Variants in NUP133 observed in about 807,000 individuals in gnomAD.
NUP133 encodes nuclear pore complex protein Nup133.
NUP133 carries 66 observed loss-of-function variants against 146.2 expected under a neutral mutation model. The ratio of observed to expected loss-of-function variants is 0.45; its 90% CI spans 0.37 to 0.55. The LOEUF (loss-of-function observed/expected upper bound fraction) is 0.55, where lower values mean the gene tolerates loss of function less well. Ranked by LOEUF, NUP133 falls within the 20% of genes least tolerant of loss-of-function variation. The probability of loss-of-function intolerance (pLI) is 0.00; values close to 1 mark genes in which losing one functional copy is unlikely to be tolerated. For missense variants in NUP133, 1,277 were observed against 1,374.8 expected, an observed-to-expected ratio of 0.93 and a Z score of 1.12; for synonymous variants, 521 against 498.8, an observed-to-expected ratio of 1.04 and a Z score of -0.59.
intron 1 of NUP133, 152 bp downstream of exon 1, chr1:229,507,916 T>C: frequency 7.9e-7 from 1 of 1,258,114 alleles, no homozygotes; most frequent in Middle Eastern, 3.1e-4. Context: ...AAGCAGATAC[T>C]ACCTGCAGCA....
chr1:229,466,764 A>G lies in NUP133; in HGVS notation c.2077-8T>C. The stretch of plus-strand genomic sequence containing the variant: ...GGTATCTACTTGGGATACCTGAGAG[A>G]ATACACAGAAGTAAACTACTTACAA... On this transcript the variant is annotated splice_region_variant and splice_polypyrimidine_tract_variant and intron_variant, in intron 15 of 25. Coordinates refer to ENST00000261396, the MANE Select transcript of NUP133 (RefSeq NM_018230.3). The G allele has an allele frequency of 1.2e-6, 2 of 1,613,780 alleles. No homozygotes were observed. The highest frequency in any genetic ancestry group is 1.7e-6 in the Non-Finnish European group (2 of 1,179,852).
intron 18 of NUP133, among the ~76,000 whole-genome samples, chr1:229,463,948 C>T (rs1245272347): frequency 6.6e-6 from 1 of 151,962 alleles, no homozygotes; most frequent in Non-Finnish European, 1.5e-5. Flanking sequence ...GAGTTCGAGT[C>T]CCGCCAGGCC....
chr1:229,502,355 C>T (rs968462100), intron 2 of NUP133, among the ~76,000 whole-genome samples: 1 of 151,674 alleles, frequency 6.6e-6, no homozygotes, highest in Non-Finnish European at 1.5e-5. Flanking sequence ...GTCAGGAGAT[C>T]GAGACCATCC....
At position 229,459,060 on chromosome 1, in the gene NUP133, A is replaced by G. The variant is rs1660634389; in HGVS notation, c.2845-764T>C. 2.0e-5 allele frequency among the ~76,000 whole-genome samples: 3 copies of G among 152,322 alleles called. 1 individual carries two copies. Among genetic ancestry groups the G allele is most frequent in the Non-Finnish European group, 2.9e-5 (2 of 68,032 alleles). ...TTGTATATATTTATGGATACACAGTAATAATATATGTATGTGATGTGGAAT... is the reference window on the plus strand; with the variant it reads ...TTGTATATATTTATGGATACACAGTGATAATATATGTATGTGATGTGGAAT... On this transcript the variant is annotated intron_variant, in intron 20 of 25. Transcript: ENST00000261396.
chr1:229,457,787 C>T (rs893712820), intron 21 of NUP133, among the ~76,000 whole-genome samples: 2 of 152,098 alleles, frequency 1.3e-5, no homozygotes, highest in Admixed American at 6.5e-5. Flanking sequence ...CTACAATATA[C>T]ACAAAATAGT....
At chr1:229,479,234 C>A (rs780480816) in intron 12 of NUP133, among the ~76,000 whole-genome samples, 16 of 152,164 alleles carry the variant, frequency 1.1e-4, no homozygotes, top group Non-Finnish European at 2.2e-4. Context: ...TACAAAAAGG[C>A]GACCTTCTGC....
chr1:229,476,655 G>A (rs1661080412), intron 13 of NUP133, among the ~76,000 whole-genome samples: 1 of 152,168 alleles, frequency 6.6e-6, no homozygotes, highest in Non-Finnish European at 1.5e-5. Context: ...TGGGTGTGGT[G>A]GCTTACACCT....
intron 5 of NUP133, chr1:229,499,357 C>A: frequency 2.2e-6 from 1 of 445,910 alleles, no homozygotes; most frequent in South Asian, 1.7e-5. Flanking sequence ...TGAGAAGAGC[C>A]TCCCTTGTCT....
chr1:229,443,373 T>A (rs1660227039), intron 25 of NUP133, among the ~76,000 whole-genome samples: 1 of 152,118 alleles, frequency 6.6e-6, no homozygotes, highest in Non-Finnish European at 1.5e-5. Context: ...TCTCAACTAT[T>A]AAATGTTGGT....
chr1:229,495,062 G>T lies in NUP133; in HGVS notation c.1046+433C>A, dbSNP rs777095227. 1.2e-4 allele frequency among the ~76,000 whole-genome samples: 18 copies of T among 152,284 alleles called. 1 individual carries two copies. The highest frequency in any genetic ancestry group is 2.1e-4 in the South Asian group (1 of 4,826). ...CGATAAACAAGAGCAAGACCATTCA[G>T]TAAGGCTTAATAGATAGCATGAGAA... On this transcript the variant is annotated intron_variant, in intron 8 of 25. Transcript: ENST00000261396.
chr1:229,466,761 G>C lies in NUP133; in HGVS notation c.2077-5C>G. The C allele has an allele frequency of 6.2e-7, 1 of 1,613,790 alleles. No individual in the cohort carries two copies. The highest frequency in any genetic ancestry group is 8.5e-7 in the Non-Finnish European group (1 of 1,179,852). On this transcript the variant is annotated splice_region_variant and splice_polypyrimidine_tract_variant and intron_variant, in intron 15 of 25. Coordinates refer to ENST00000261396, the MANE Select transcript of NUP133 (RefSeq NM_018230.3). ...GATGGTATCTACTTGGGATACCTGA[G>C]AGAATACACAGAAGTAAACTACTTA...
chr1:229,489,895 A>G, intron 9 of NUP133, 60 bp downstream of exon 9: 1 of 1,415,486 alleles, frequency 7.1e-7, no homozygotes, highest in Non-Finnish European at 9.4e-7. Flanking sequence ...AAGACCCTGA[A>G]ATGGTTAGAA....
intron 3 of NUP133, among the ~76,000 whole-genome samples, chr1:229,501,173 C>A (rs1028758010): frequency 1.4e-4 from 21 of 152,194 alleles, no homozygotes; most frequent in Admixed American, 6.5e-4. Flanking sequence ...AGTGCTTAGG[C>A]TTCCTATGGA....
At chr1:229,447,547 G>T (rs562110500) in intron 24 of NUP133, among the ~76,000 whole-genome samples, 4 of 151,798 alleles carry the variant, frequency 2.6e-5, no homozygotes, top group African/African-American at 9.7e-5. Context: ...CTGGTCACCA[G>T]AAAAAGCATA....
At chr1:229,455,659 T>G (rs1483221372) in intron 21 of NUP133, among the ~76,000 whole-genome samples, 1 of 152,010 alleles carries the variant, frequency 6.6e-6, no homozygotes, top group Non-Finnish European at 1.5e-5. Context: ...CCAGCTAGAG[T>G]CATCTGTTGC....
intron 2 of NUP133, among the ~76,000 whole-genome samples, chr1:229,504,226 A>G (rs1661878875): frequency 6.6e-6 from 1 of 152,184 alleles, no homozygotes; most frequent in South Asian, 2.1e-4. Flanking sequence ...ACACCCATAT[A>G]CAATTTAAGT....
rs774276187 is a variant in NUP133 at position 229,486,485 on chromosome 1, G to A, written c.1386C>T (p.Ile462=). The change falls in exon 11 of 26, where the codon ATC becomes ATT. Residue 462 remains isoleucine (I), a synonymous_variant. Transcript: ENST00000261396. ...LGAGACGGVP[I]IFSRNSGLVS... Reference sequence around the variant, plus strand: ...CCAGTCCACTGTTTCTAGAAAAAATGATAGGAACACCACCACAGGCACCAG... The same window carrying A: ...CCAGTCCACTGTTTCTAGAAAAAATAATAGGAACACCACCACAGGCACCAG... 1.1e-5 allele frequency: 17 copies of A among 1,610,614 alleles called. No individual in the cohort carries two copies. The highest frequency in any genetic ancestry group is 1.3e-5 in the African/African-American group (1 of 74,374).
At position 229,441,856 on chromosome 1, in the gene NUP133, G is replaced by A; in HGVS notation, c.*48C>T. On this transcript the variant is annotated 3_prime_UTR_variant, in exon 26 of 26. Transcript: ENST00000261396. ...TGTTTATGGCCTAAAATTTGTATAA[G>A]GACACACTTATACAGATTTCATAAA... 6.9e-7 allele frequency: 1 copy of A among 1,455,498 alleles called. No homozygotes were observed. Among genetic ancestry groups the A allele is most frequent in the Non-Finnish European group, 9.2e-7 (1 of 1,087,198 alleles). 90.2% of individuals were successfully genotyped at this position (1,455,498 alleles called of 1,614,324 possible).
At chr1:229,446,793 TTCGAGTCTCGTTTGGCATG>T (rs1358764782) in intron 24 of NUP133, among the ~76,000 whole-genome samples, 1 of 151,700 alleles carries the variant, frequency 6.6e-6, no homozygotes, top group Non-Finnish European at 1.5e-5. Flanking sequence ...AAATCATAGC[TTCGAGTCTCGTTTGGCATG>T]ACAAGCCTCA....
Sources: allele counts gnomAD v4.1 joint callset (sites outside exome capture counted in the v4.1 genomes callset), GRCh38; gene constraint gnomAD v4.1.1; transcripts MANE v1.5; gene names NCBI Gene and HGNC (gene_info 2026-07-23, HGNC 2026-07-21).